Variants in ALS2CL observed in about 807,000 individuals in gnomAD.
ALS2CL encodes ALS2 C-terminal-like protein.
A neutral mutation model predicts 127.9 loss-of-function variants in ALS2CL; 112 were observed. The observed-to-expected ratio is 0.88, with a 90% CI of 0.75 to 1.02. The LOEUF (loss-of-function observed/expected upper bound fraction) is 1.02, where lower values mean the gene tolerates loss of function less well. ALS2CL is among the 50% of genes least tolerant of loss of function. The pLI is 0.00. For synonymous variants in ALS2CL, 519 were observed against 527.6 expected (o/e 0.98, Z 0.22); for missense variants, 1,174 against 1,236.7 (o/e 0.95, Z 0.76).
rs149756183 is a variant in ALS2CL at position 46,678,731 on chromosome 3, G to C, written c.1627-342C>G. On this transcript the variant is annotated intron_variant, in intron 15 of 25. Transcript: ENST00000318962. ...GGACAGGCAACGCCTGAGGAGGGCG[G>C]TGTCTTGCCACATGAGGCTGTCCCA... Among the ~76,000 whole-genome samples the C allele has an allele frequency of 3.0e-3, 458 of 152,350 alleles. 2 individuals carry two copies. The highest frequency in any genetic ancestry group is 8.7e-3 in the African/African-American group (363 of 41,582).
In ALS2CL at chr3:46,685,624, A is replaced by C; in HGVS notation, c.687T>G (p.Ala229=). 6.2e-7 allele frequency: 1 copy of C among 1,613,792 alleles called. No homozygotes were observed. Among genetic ancestry groups the C allele is most frequent in the Non-Finnish European group, 8.5e-7 (1 of 1,179,910 alleles). ...GRLRDVLCTP[A]HRLLQDSQDV... ...CCTGGCTGTCCTGAAGGAGTCTGTGAGCAGGGGTGCAGAGCACATCCTGGT... is the reference window on the plus strand; with the variant it reads ...CCTGGCTGTCCTGAAGGAGTCTGTGCGCAGGGGTGCAGAGCACATCCTGGT... Residue 229 remains alanine, a synonymous_variant, in exon 7 of 26, where the codon GCT becomes GCG. Transcript: ENST00000318962.
Position 46,686,887 on chromosome 3 carries a change from T to C in ALS2CL, c.534+96A>G. 1.5e-6 allele frequency: 2 copies of C among 1,344,262 alleles called. No homozygotes were observed. The highest frequency in any genetic ancestry group is 3.0e-5 in the Admixed American group (1 of 33,138). 83.3% of individuals were successfully genotyped at this position (1,344,262 alleles called of 1,614,324 possible). A position where few individuals can be genotyped will look rare whatever the true frequency, so the allele number is the denominator to read the frequency against. On this transcript the variant is annotated intron_variant, in intron 5 of 25. Transcript: ENST00000318962. The surrounding 1 kb of genome is among the most constrained non-coding windows in gnomAD (Gnocchi z 4.3). ...TGCCGGCATGGCTGAGTCCTTCTTG[T>C]ACTAGGGTTCCTGAGTATAGGCTGA...
intron 2 of ALS2CL, among the ~76,000 whole-genome samples, chr3:46,688,955 C>T (rs1699983025): frequency 6.6e-6 from 1 of 152,270 alleles, no homozygotes; most frequent in East Asian, 1.9e-4. Context: ...TCAGACTTGG[C>T]GCAGTGGCTC....
chr3:46,690,149 T>C (rs1700070935), intron 1 of ALS2CL, among the ~76,000 whole-genome samples: 1 of 152,204 alleles, frequency 6.6e-6, no homozygotes, highest in African/African-American at 2.4e-5. Context: ...GACCACAGCT[T>C]CACTGTGCCT....
intron 1 of ALS2CL, among the ~76,000 whole-genome samples, chr3:46,693,338 G>A (rs986942462): frequency 2.6e-5 from 4 of 152,208 alleles, no homozygotes; most frequent in African/African-American, 9.7e-5. Flanking sequence ...GCCCTAACCA[G>A]CCGGCGTCAC....
rs1267579508 is a variant in ALS2CL at position 46,681,573 on chromosome 3, C to G, written c.1201G>C (p.Ala401Pro). The change falls in exon 12 of 26, where the codon GCC (alanine) becomes CCC (proline). Residue 401 changes from alanine to proline, a missense_variant. Coordinates refer to ENST00000318962, the MANE Select transcript of ALS2CL (RefSeq NM_147129.5). This position sits in a 1 kb window ranked among gnomAD's most constrained non-coding sequence, Gnocchi z 4.9. ...TAACAGTCGAACTTGTCCTCAGAGG[C>G]CTGGGGCAGCAGGCGGATGCCGAAG... ...HGFGIRLLPQ[A>P]SEDKFDCYKC... 6.2e-7 allele frequency: 1 copy of G among 1,614,100 alleles called. No individual in the cohort carries two copies. The highest frequency in any genetic ancestry group is 1.7e-5 in the Admixed American group (1 of 60,008).
Position 46,675,975 on chromosome 3 carries a change from G to A in ALS2CL, c.2186+270C>T, listed in dbSNP as rs1698780030. On this transcript the variant is annotated intron_variant, in intron 19 of 25. Transcript: ENST00000318962. Reference sequence around the variant, plus strand: ...TGTTCCGAGTCCAGGGCCAAGCTCAGCCTACAGTGGGGTGAGAGTGCACCT... The same window carrying A: ...TGTTCCGAGTCCAGGGCCAAGCTCAACCTACAGTGGGGTGAGAGTGCACCT... The A allele has an allele frequency of 3.5e-6, 5 of 1,422,842 alleles. No homozygotes were observed. In the Admixed American group the frequency reaches 1.2e-4, roughly 33 times the overall value. 88.1% of individuals were successfully genotyped at this position (1,422,842 alleles called of 1,614,324 possible).
At chr3:46,671,661 G>A in intron 24 of ALS2CL, 77 bp from the exon 25 acceptor site, 2 of 1,607,762 alleles carry the variant, frequency 1.2e-6, no homozygotes, top group Non-Finnish European at 1.7e-6. Context: ...GCTGGGGAAG[G>A]AGCGCTGGCC....
At chr3:46,679,359 G>T in intron 14 of ALS2CL, 72 bp from the exon 15 acceptor site, 1 of 1,322,922 alleles carries the variant, frequency 7.6e-7, no homozygotes, top group Non-Finnish European at 1.1e-6. Flanking sequence ...GGTGGAGAGA[G>T]ATGGCCAAAG....
In ALS2CL at chr3:46,671,543, A is replaced by G; in HGVS notation, c.2726T>C (p.Met909Thr). The G allele has an allele frequency of 6.2e-7, 1 of 1,613,896 alleles. No individual in the cohort carries two copies. The highest frequency in any genetic ancestry group is 8.5e-7 in the Non-Finnish European group (1 of 1,179,956). The change falls in exon 25 of 26, where the codon ATG (methionine) becomes ACG (threonine). Residue 909 changes from methionine to threonine, a missense_variant. Transcript: ENST00000318962. Reference sequence around the variant, plus strand: ...GCCTCCTGTGTGGTTGGGGTCCATCATGTCACGGATCAGGTGGATCTCGGC... The same window carrying G: ...GCCTCCTGTGTGGTTGGGGTCCATCGTGTCACGGATCAGGTGGATCTCGGC... The part of the protein sequence containing the change: ...LGAEIHLIRD[M>T]MDPNHTGGLY...
At chr3:46,682,168 A>G (rs947542452) in intron 10 of ALS2CL, 74 bp from the exon 11 acceptor site, 160 of 1,519,246 alleles carry the variant, frequency 1.1e-4, no homozygotes, top group Non-Finnish European at 1.4e-4. Flanking sequence ...ACTTTCTCAG[A>G]CGCCCTCCCT....
At chr3:46,677,113 T>G (rs1575418321) in intron 16 of ALS2CL, 91 bp from the exon 17 acceptor site, 1 of 1,501,960 alleles carries the variant, frequency 6.7e-7, no homozygotes, top group Admixed American at 2.2e-5. Context: ...GGGGTGGGGG[T>G]ATGAGCCTGG....
In ALS2CL at chr3:46,671,391, T is replaced by A. The variant is rs1698378122; in HGVS notation, c.2781+97A>T. On this transcript the variant is annotated intron_variant, in intron 25 of 25. Transcript: ENST00000318962. Reference sequence around the variant, plus strand: ...TCACACATGAGCTGTGAATTTGAGCTCCCTCCCACTATGGTGTTATGATGT... The same window carrying A: ...TCACACATGAGCTGTGAATTTGAGCACCCTCCCACTATGGTGTTATGATGT... The A allele has an allele frequency of 3.9e-6, 6 of 1,540,106 alleles. No individual in the cohort carries two copies. In the East Asian group the frequency reaches 1.4e-4, roughly 36 times the overall value.
chr3:46,681,511 G>T lies in ALS2CL; in HGVS notation c.1263C>A (p.Tyr421Ter). The change falls in exon 12 of 26, where the codon TAC (tyrosine) becomes TAA (stop). Residue 421 changes from tyrosine to a stop codon, truncating the protein, a stop_gained. Coordinates refer to ENST00000318962, the MANE Select transcript of ALS2CL (RefSeq NM_147129.5). LOFTEE classifies it high-confidence loss of function. The surrounding 1 kb of genome is among the most constrained non-coding windows in gnomAD (Gnocchi z 4.9). ...CHWREGSMCG[Y>*]GICEYSTDEV... ...CCAGGGTCACTTACTCACAGATGCC[G>T]TAGCCACACATGCTGCCTTCTCGCC... 1 of 1,614,138 alleles carries T rather than the reference G, an allele frequency of 6.2e-7. No individual in the cohort carries two copies. The highest frequency in any genetic ancestry group is 8.5e-7 in the Non-Finnish European group (1 of 1,179,992).
chr3:46,677,221 A>C, intron 16 of ALS2CL, 199 bp from the exon 17 acceptor site: 2 of 1,415,482 alleles, frequency 1.4e-6, no homozygotes, highest in South Asian at 3.2e-5. Context: ...AAAGGGACAG[A>C]GAATCTACCC....
chr3:46,683,660 C>A, intron 9 of ALS2CL, 122 bp downstream of exon 9: 1 of 1,269,940 alleles, frequency 7.9e-7, no homozygotes, highest in Non-Finnish European at 1.1e-6. Flanking sequence ...GACCAGGTCC[C>A]CAGAAGCCTG....
chr3:46,679,838 T>G, intron 14 of ALS2CL: 1 of 155,668 alleles, frequency 6.4e-6, no homozygotes, highest in Non-Finnish European at 1.4e-5. Context: ...GGAACAGCCA[T>G]CAGGCCAGAG....
chr3:46,687,085 GCCCT>G lies in ALS2CL; in HGVS notation c.428_431del (p.Glu143AlafsTer27). 1 of 1,590,654 alleles carries G rather than the reference GCCCT, an allele frequency of 6.3e-7. No individual in the cohort carries two copies. Among genetic ancestry groups the G allele is most frequent in the Non-Finnish European group, 8.5e-7 (1 of 1,175,540 alleles). On this transcript the variant is annotated frameshift_variant, in exon 5 of 26. Coordinates refer to ENST00000318962, the MANE Select transcript of ALS2CL (RefSeq NM_147129.5). LOFTEE classifies it high-confidence loss of function. ...CCTGGCCCAGCGATGCGCCCACCGA[GCCCT>G]CTGAGCTCACACCTGAAAGCAGCTG...
chr3:46,684,086 G>C, intron 7 of ALS2CL, 39 bp from the exon 8 acceptor site: 1 of 1,548,876 alleles, frequency 6.5e-7, no homozygotes, highest in South Asian at 1.2e-5. Context: ...CAGAGCCCAG[G>C]CCAGATGCTC....
Sources: gnomAD v4.1 joint callset for allele counts (sites outside exome capture counted in the v4.1 genomes callset) on GRCh38, gnomAD v4.1.1 for gene constraint, Gnocchi (gnomAD v3.1) non-coding constraint, MANE v1.5 for transcripts, NCBI Gene and HGNC (gene_info 2026-07-23, HGNC 2026-07-21) for gene names.